Variants in MRRF observed in about 807,000 individuals in gnomAD.
MRRF encodes the protein ribosome-recycling factor, mitochondrial.
Under a neutral mutation model 25.1 loss-of-function variants are expected in MRRF, and 18 were observed. The ratio of observed to expected loss-of-function variants is 0.72; its 90% CI spans 0.50 to 1.06. MRRF has a LOEUF of 1.06. Ranked by LOEUF, MRRF falls within the 50% of genes least tolerant of loss-of-function variation. The probability of loss-of-function intolerance (pLI) is 0.00; values close to 1 mark genes in which losing one functional copy is unlikely to be tolerated. For synonymous variants in MRRF, 113 were observed against 112.1 expected (o/e 1.01, Z -0.05); for missense variants, 323 against 319.3 (o/e 1.01, Z -0.09).
At chr9:122,313,052 T>C (rs1230538210) in intron 5 of MRRF, among the ~76,000 whole-genome samples, 175 bp from the exon 6 acceptor site, 1 of 152,188 alleles carries the variant, frequency 6.6e-6, no homozygotes, top group African/African-American at 2.4e-5. Flanking sequence ...TTGCCCATGT[T>C]TGGGCAACTT....
Position 122,295,242 on chromosome 9 carries a change from C to T in MRRF, c.551+3402C>T, listed in dbSNP as rs944880830. ...CACCCAATTAATGCTAGCAAATATG[C>T]TATTTCCATCATCCCCTTTCACAAA... On this transcript the variant is annotated intron_variant, in intron 5 of 6. Transcript: ENST00000344641. Among the ~76,000 whole-genome samples, 4 of 152,162 alleles carry T rather than the reference C, an allele frequency of 2.6e-5. No homozygotes were observed. The East Asian group carries it at 7.7e-4, about 29-fold the overall frequency.
intron 6 of MRRF, among the ~76,000 whole-genome samples, chr9:122,315,115 G>A (rs899945726): frequency 6.6e-6 from 1 of 152,046 alleles, no homozygotes; most frequent in Non-Finnish European, 1.5e-5. Context: ...GGCTTCCTGG[G>A]CCCTACTCCT....
intron 1 of MRRF, among the ~76,000 whole-genome samples, chr9:122,266,684 G>A (rs1231259705): frequency 1.3e-5 from 2 of 152,192 alleles, no homozygotes; most frequent in Non-Finnish European, 2.9e-5. Context: ...CAGTAGATAA[G>A]CCAGGATTTT....
At chr9:122,303,182 G>A (rs1304359078) in intron 5 of MRRF, among the ~76,000 whole-genome samples, 5 of 151,734 alleles carry the variant, frequency 3.3e-5, no homozygotes, top group East Asian at 1.9e-4. Context: ...GAAGTATAAC[G>A]AAAAGTTCAT....
At chr9:122,321,036 T>C (rs1835862659) in intron 6 of MRRF, among the ~76,000 whole-genome samples, 1 of 152,370 alleles carries the variant, frequency 6.6e-6, no homozygotes, top group Non-Finnish European at 1.5e-5. Flanking sequence ...TTAATAATTA[T>C]TCACTTAGTG....
intron 2 of MRRF, among the ~76,000 whole-genome samples, chr9:122,279,807 T>TA (rs1282479601): frequency 6.6e-6 from 1 of 152,208 alleles, no homozygotes; most frequent in Non-Finnish European, 1.5e-5. Context: ...AGCCATCAGA[T>TA]ATTGTGTGCA....
chr9:122,270,750 A>G, intron 1 of MRRF, 114 bp from the exon 2 acceptor site: 1 of 783,282 alleles, frequency 1.3e-6, no homozygotes, highest in Non-Finnish European at 2.3e-6. Context: ...TAAATTGTCT[A>G]GTACTTAGCT....
intron 4 of MRRF, among the ~76,000 whole-genome samples, chr9:122,287,470 T>C (rs998926766): frequency 9.9e-5 from 15 of 152,222 alleles, no homozygotes; most frequent in African/African-American, 3.4e-4. Flanking sequence ...CTCTCCTCCT[T>C]GTTCATCTAA....
At chr9:122,307,802 T>C (rs1834947172) in intron 5 of MRRF, among the ~76,000 whole-genome samples, 1 of 152,132 alleles carries the variant, frequency 6.6e-6, no homozygotes, top group South Asian at 2.1e-4. Context: ...CTTTCTACAT[T>C]TTAAAGCCCC....
chr9:122,286,422 GT>G (rs1485620630), intron 4 of MRRF, among the ~76,000 whole-genome samples: 1 of 152,070 alleles, frequency 6.6e-6, no homozygotes, highest in Non-Finnish European at 1.5e-5. Flanking sequence ...AATATATATT[GT>G]GCCAGGCGTG....
chr9:122,322,680 T>C lies in MRRF; in HGVS notation c.*63T>C, dbSNP rs774179007. On this transcript the variant is annotated 3_prime_UTR_variant, in exon 7 of 7. Coordinates refer to ENST00000344641, the MANE Select transcript of MRRF (RefSeq NM_138777.5). ...TCTGCTGGATCCCATGGGTGGCACA[T>C]TGGGACTTCTCTCCCTCCCCCATCT... 7.0e-7 allele frequency: 1 copy of C among 1,432,824 alleles called. No homozygotes were observed. Among genetic ancestry groups the C allele is most frequent in the Non-Finnish European group, 9.8e-7 (1 of 1,019,634 alleles). The allele number at this position is 1,432,824 out of a possible 1,614,324, so 88.8% of individuals were successfully genotyped here. A position where few individuals can be genotyped will look rare whatever the true frequency, so the allele number is the denominator to read the frequency against.
intron 4 of MRRF, 48 bp from the exon 5 acceptor site, chr9:122,291,700 TG>T: frequency 7.5e-7 from 1 of 1,326,536 alleles, no homozygotes; most frequent in Non-Finnish European, 1.1e-6. Context: ...GGCTTGCATC[TG>T]GTAATAATTA....
At chr9:122,298,412 T>TAACTTG (rs1834226763) in intron 5 of MRRF, among the ~76,000 whole-genome samples, 1 of 152,192 alleles carries the variant, frequency 6.6e-6, no homozygotes, top group African/African-American at 2.4e-5. Context: ...TTATATGCAA[T>TAACTTG]AAAATGAATC....
At chr9:122,283,839 C>G (rs965403791) in intron 3 of MRRF, among the ~76,000 whole-genome samples, 7 of 152,180 alleles carry the variant, frequency 4.6e-5, no homozygotes, top group Admixed American at 1.3e-4. Flanking sequence ...AATAATGCCT[C>G]TTTTCCATCT....
rs1305241556 is a variant in MRRF, at chr9:122,330,840, G to A, written c.*8223G>A. 6.6e-6 allele frequency: 1 copy of A among 152,292 alleles called. No homozygotes were observed. The highest frequency in any genetic ancestry group is 1.5e-5 in the Non-Finnish European group (1 of 68,138). The allele number at this position is 152,292 out of a possible 1,614,324, so 9.4% of individuals were successfully genotyped here. On this transcript the variant is annotated 3_prime_UTR_variant, in exon 7 of 7. Transcript: ENST00000344641. The surrounding 1 kb of genome is among the most constrained non-coding windows in gnomAD (Gnocchi z 4.2). Reference sequence around the variant, plus strand: ...AGCTACTTCGGAGGCTGAAGCAGGAGAATCACTTGAACCCAGGAGGCAGAG... The same window carrying A: ...AGCTACTTCGGAGGCTGAAGCAGGAAAATCACTTGAACCCAGGAGGCAGAG...
At chr9:122,286,302 G>C (rs1833403848) in intron 4 of MRRF, 2 of 883,992 alleles carry the variant, frequency 2.3e-6, no homozygotes, top group Admixed American at 3.3e-5. Flanking sequence ...TGAACACACT[G>C]TTTCAAATCA....
intron 6 of MRRF, among the ~76,000 whole-genome samples, chr9:122,317,953 C>T (rs893157692): frequency 2.0e-4 from 30 of 152,162 alleles, no homozygotes; most frequent in African/African-American, 6.5e-4. Context: ...CTGGCTAACA[C>T]GGTGAAACCC....
intron 5 of MRRF, among the ~76,000 whole-genome samples, chr9:122,311,363 C>G (rs1835195149): frequency 6.6e-6 from 1 of 152,194 alleles, no homozygotes; most frequent in Non-Finnish European, 1.5e-5. Flanking sequence ...CTTCTCACTG[C>G]ACTCCACTCT....
chr9:122,307,557 C>T (rs1203300324), intron 5 of MRRF, among the ~76,000 whole-genome samples: 1 of 152,226 alleles, frequency 6.6e-6, no homozygotes, highest in Non-Finnish European at 1.5e-5. Flanking sequence ...GAATAATTTA[C>T]TCAGCTATCC....
Sources: allele counts gnomAD v4.1 joint callset (sites outside exome capture counted in the v4.1 genomes callset), GRCh38; gene constraint gnomAD v4.1.1; non-coding constraint Gnocchi (gnomAD v3.1); transcripts MANE v1.5; gene names NCBI Gene and HGNC (gene_info 2026-07-23, HGNC 2026-07-21).